SPHKAP: variants seen among roughly 807,000 people sequenced by gnomAD.
SPHKAP encodes the protein A-kinase anchor protein SPHKAP.
In SPHKAP, 67 loss-of-function variants were observed where a neutral mutation model predicts 137.5. The observed-to-expected ratio is 0.49, with a 90% confidence interval of 0.40 to 0.60. SPHKAP has a LOEUF of 0.60. Among genes scored for constraint, SPHKAP ranks in the 20% least tolerant of loss-of-function variants. SPHKAP has a pLI of 0.00. For missense variants in SPHKAP, 2,097 were observed against 2,069.3 expected (o/e 1.01, Z -0.26); for synonymous variants, 813 against 785.3 (o/e 1.04, Z -0.59).
chr2:228,140,194 G>T (rs1464218114), intron 1 of SPHKAP, among the ~76,000 whole-genome samples: 1 of 151,174 alleles, frequency 6.6e-6, no homozygotes, highest in Non-Finnish European at 1.5e-5. Flanking sequence ...TGATGTGCCT[G>T]TCTTGGCCTC....
At chr2:228,115,869 T>C (rs1698693975) in intron 2 of SPHKAP, among the ~76,000 whole-genome samples, 1 of 152,158 alleles carries the variant, frequency 6.6e-6, no homozygotes, top group Admixed American at 6.6e-5. Context: ...CCCAATGTGT[T>C]AGCATTAAGA....
chr2:228,036,946 A>G (rs1373625922), intron 3 of SPHKAP, among the ~76,000 whole-genome samples: 5 of 152,194 alleles, frequency 3.3e-5, no homozygotes, highest in South Asian at 4.2e-4. Flanking sequence ...TGACGAGTTA[A>G]TGGGTGCAGC....
chr2:228,011,184 G>C (rs578247163), intron 7 of SPHKAP, among the ~76,000 whole-genome samples: 2 of 151,806 alleles, frequency 1.3e-5, no homozygotes, highest in South Asian at 4.2e-4. Context: ...ATTCTCAAGG[G>C]GATTGTTTTC....
chr2:228,083,500 G>C (rs975187242), intron 3 of SPHKAP, among the ~76,000 whole-genome samples: 2 of 152,068 alleles, frequency 1.3e-5, no homozygotes, highest in Non-Finnish European at 2.9e-5. Flanking sequence ...ACAAGTGTCT[G>C]TTCATATCCT....
intron 2 of SPHKAP, among the ~76,000 whole-genome samples, chr2:228,128,664 A>T (rs1699152475): frequency 6.6e-6 from 1 of 152,194 alleles, no homozygotes; most frequent in African/African-American, 2.4e-5. Context: ...GTTCTTAAAC[A>T]TTAACACTTG....
chr2:228,070,320 C>T (rs1225279195), intron 3 of SPHKAP, among the ~76,000 whole-genome samples: 2 of 152,106 alleles, frequency 1.3e-5, no homozygotes, highest in African/African-American at 4.8e-5. Context: ...AGTGTTGGTC[C>T]TACTGTCTCA....
chr2:228,109,184 C>T (rs897524476), intron 2 of SPHKAP: 1 of 192,186 alleles, frequency 5.2e-6, no homozygotes, highest in Non-Finnish European at 9.5e-6. Flanking sequence ...TCAAATCCAA[C>T]ACCTGGAAAT....
rs115250311 is a variant in SPHKAP, at chr2:228,121,202, T to C, written c.138+10778A>G. ...TGAGTATTGGTGCATGCCTTTGGACTGTGGCAATTAAAATACAAGTGATAT... is the reference window on the plus strand; with the variant it reads ...TGAGTATTGGTGCATGCCTTTGGACCGTGGCAATTAAAATACAAGTGATAT... On this transcript the variant is annotated intron_variant, in intron 2 of 11. Coordinates refer to ENST00000392056, the MANE Select transcript of SPHKAP (RefSeq NM_001142644.2). Among the ~76,000 whole-genome samples the C allele has an allele frequency of 8.2e-3, 1,244 of 152,278 alleles. 13 individuals are homozygous for C. Among genetic ancestry groups the C allele is most frequent in the African/African-American group, 0.028 (1,165 of 41,570 alleles).
intron 3 of SPHKAP, among the ~76,000 whole-genome samples, chr2:228,058,610 A>C (rs1368654349): frequency 6.6e-6 from 1 of 152,144 alleles, no homozygotes; most frequent in African/African-American, 2.4e-5. Flanking sequence ...AACATGCATT[A>C]AGACGTTAAC....
intron 1 of SPHKAP, among the ~76,000 whole-genome samples, chr2:228,174,176 A>G (rs972685587): frequency 2.6e-5 from 4 of 152,202 alleles, no homozygotes; most frequent in African/African-American, 9.7e-5. Context: ...AGCCTCTTAT[A>G]GCATCCACCC....
intron 1 of SPHKAP, among the ~76,000 whole-genome samples, chr2:228,157,977 C>A (rs1324839901): frequency 6.6e-6 from 1 of 152,154 alleles, no homozygotes; most frequent in Non-Finnish European, 1.5e-5. Context: ...TGCATGAGAC[C>A]AATGTGGAAA....
At chr2:228,079,208 G>A (rs1417140469) in intron 3 of SPHKAP, among the ~76,000 whole-genome samples, 1 of 152,138 alleles carries the variant, frequency 6.6e-6, no homozygotes, top group Admixed American at 6.5e-5. Flanking sequence ...TAGATCCCTC[G>A]CATATGCAGT....
intron 3 of SPHKAP, among the ~76,000 whole-genome samples, chr2:228,060,257 T>A (rs894018308): frequency 2.0e-5 from 3 of 152,128 alleles, no homozygotes; most frequent in Non-Finnish European, 4.4e-5. Flanking sequence ...AAAACTGTAA[T>A]GGGAAATTAT....
chr2:228,014,385 T>G (rs1694488542), intron 7 of SPHKAP, among the ~76,000 whole-genome samples: 1 of 152,234 alleles, frequency 6.6e-6, no homozygotes, highest in African/African-American at 2.4e-5. Flanking sequence ...TTTAAAAAAT[T>G]TGTAATTCTC....
chr2:228,054,919 G>A (rs1211907309), intron 3 of SPHKAP, among the ~76,000 whole-genome samples: 1 of 151,866 alleles, frequency 6.6e-6, no homozygotes, highest in African/African-American at 2.4e-5. Flanking sequence ...GCAGGAAGAT[G>A]GCCTGAGGTC....
intron 11 of SPHKAP, chr2:227,982,457 G>C (rs1693036105): frequency 1.4e-6 from 1 of 722,776 alleles, no homozygotes; most frequent in African/African-American, 1.9e-5. Flanking sequence ...CTGGGTATTG[G>C]TACCAGTTCT....
At position 228,181,081 on chromosome 2, in the gene SPHKAP, T is replaced by C. The variant is rs1012468410; in HGVS notation, c.32+486A>G. ...GCTTTGGGGGCAGTCTAGGTGTCGG[T>C]CGGGGGTGAGGGACAATCTTCCCCA... On this transcript the variant is annotated intron_variant, in intron 1 of 11. Transcript: ENST00000392056. The surrounding 1 kb of genome is among the most constrained non-coding windows in gnomAD (Gnocchi z 4.3). Among the ~76,000 whole-genome samples the C allele has an allele frequency of 2.0e-5, 3 of 151,904 alleles. No homozygotes were observed. The highest frequency in any genetic ancestry group is 7.2e-5 in the African/African-American group (3 of 41,380).
At chr2:228,085,340 A>G (rs1019427874) in intron 3 of SPHKAP, among the ~76,000 whole-genome samples, 1 of 152,214 alleles carries the variant, frequency 6.6e-6, no homozygotes. Context: ...TGATACAGAT[A>G]TATTCATCCA....
chr2:228,087,456 A>G (rs1315892324), intron 3 of SPHKAP, among the ~76,000 whole-genome samples: 1 of 152,226 alleles, frequency 6.6e-6, no homozygotes, highest in Non-Finnish European at 1.5e-5. Context: ...ACAGAAGCTG[A>G]CTGTGAGATG....
Sources: gnomAD v4.1 joint callset for allele counts (sites outside exome capture counted in the v4.1 genomes callset) on GRCh38, gnomAD v4.1.1 for gene constraint, Gnocchi (gnomAD v3.1) non-coding constraint, MANE v1.5 for transcripts, NCBI Gene and HGNC (gene_info 2026-07-23, HGNC 2026-07-21) for gene names.